Variants in INSYN2B observed in about 807,000 individuals in gnomAD.
INSYN2B encodes the protein inhibitory synaptic factor family member 2B, also known as protein INSYN2B.
Under a neutral mutation model 41.2 loss-of-function variants are expected in INSYN2B, and 16 were observed. That is an observed-to-expected ratio of 0.39 (90% confidence interval 0.26 to 0.59). The LOEUF (loss-of-function observed/expected upper bound fraction) is 0.59, where lower values mean the gene tolerates loss of function less well. INSYN2B is among the 20% of genes least tolerant of loss of function. The pLI, the probability that INSYN2B is intolerant of heterozygous loss-of-function variation, is 0.57. For synonymous variants in INSYN2B, 245 were observed against 244.4 expected, an observed-to-expected ratio of 1.00 and a Z score of -0.02; for missense variants, 608 against 646.4, an observed-to-expected ratio of 0.94 and a Z score of 0.64.
intron 1 of INSYN2B, among the ~76,000 whole-genome samples, chr5:169,962,062 G>C (rs181258806): frequency 6.6e-6 from 1 of 151,846 alleles, no homozygotes; most frequent in African/African-American, 2.4e-5. Flanking sequence ...GAGAAAGCCA[G>C]TGTGTCTGAG....
chr5:169,917,275 A>G (rs573705791), intron 1 of INSYN2B, among the ~76,000 whole-genome samples: 1 of 152,318 alleles, frequency 6.6e-6, no homozygotes, highest in African/African-American at 2.4e-5. Flanking sequence ...CCAGGCCAAT[A>G]TAATTGCTCA....
intron 3 of INSYN2B, among the ~76,000 whole-genome samples, chr5:169,869,838 C>G (rs1202326042): frequency 6.6e-6 from 1 of 152,226 alleles, no homozygotes; most frequent in Non-Finnish European, 1.5e-5. Flanking sequence ...TTCACTGCTT[C>G]CACCTACTCT....
chr5:169,878,287 A>G (rs1772445051), intron 3 of INSYN2B, among the ~76,000 whole-genome samples: 2 of 152,172 alleles, frequency 1.3e-5, no homozygotes, highest in Non-Finnish European at 1.5e-5. Flanking sequence ...TGGTTTTTGC[A>G]AGATTCCCCA....
chr5:169,872,044 C>A (rs958728739), intron 3 of INSYN2B, among the ~76,000 whole-genome samples: 1 of 152,158 alleles, frequency 6.6e-6, no homozygotes, highest in Non-Finnish European at 1.5e-5. Flanking sequence ...TGCCAACAAG[C>A]CACTGCCATC....
At chr5:169,896,680 G>C (rs1020920183) in intron 1 of INSYN2B, among the ~76,000 whole-genome samples, 15 of 152,148 alleles carry the variant, frequency 9.9e-5, no homozygotes, top group Non-Finnish European at 2.2e-4. Flanking sequence ...TTATCAAAGT[G>C]TGAGAACCAG....
chr5:169,948,655 C>T (rs963531475), intron 1 of INSYN2B, among the ~76,000 whole-genome samples: 1 of 150,390 alleles, frequency 6.6e-6, no homozygotes. Context: ...GCTCTGTTCC[C>T]CAGGCTGGAG....
At chr5:169,897,537 T>A (rs2113564601) in intron 1 of INSYN2B, among the ~76,000 whole-genome samples, 1 of 152,292 alleles carries the variant, frequency 6.6e-6, no homozygotes, top group East Asian at 1.9e-4. Context: ...AAAGACATGA[T>A]GGTCCCTTTA....
chr5:169,925,579 TAA>T (rs34833916), intron 1 of INSYN2B, among the ~76,000 whole-genome samples: 3 of 80,258 alleles, frequency 3.7e-5, no homozygotes, highest in African/African-American at 5.1e-5. Context: ...GACTCTGTCT[TAA>T]AAAAAAAAAA....
At chr5:169,913,972 C>T (rs1774742807) in intron 1 of INSYN2B, among the ~76,000 whole-genome samples, 1 of 152,152 alleles carries the variant, frequency 6.6e-6, no homozygotes, top group Non-Finnish European at 1.5e-5. Flanking sequence ...GCTCAGAAAA[C>T]TCACGTGTCC....
chr5:169,889,873 A>G (rs2062119), intron 1 of INSYN2B, among the ~76,000 whole-genome samples: 5,277 of 152,286 alleles, frequency 0.035, 183 homozygotes, highest in African/African-American at 0.089. Context: ...GTGGTTTTTG[A>G]GCAGGAGGCT....
intron 1 of INSYN2B, among the ~76,000 whole-genome samples, chr5:169,907,702 G>A (rs1248705702): frequency 6.6e-6 from 1 of 152,166 alleles, no homozygotes; most frequent in African/African-American, 2.4e-5. Flanking sequence ...TGGCAGAGGG[G>A]GAAATGAACC....
chr5:169,910,980 A>G (rs1244081207), intron 1 of INSYN2B, among the ~76,000 whole-genome samples: 1 of 152,136 alleles, frequency 6.6e-6, no homozygotes, highest in Non-Finnish European at 1.5e-5. Flanking sequence ...AAGTGAGAAT[A>G]ATAAGTGAAA....
chr5:169,902,089 A>G (rs1471397970), intron 1 of INSYN2B, among the ~76,000 whole-genome samples: 1 of 152,202 alleles, frequency 6.6e-6, no homozygotes, highest in Non-Finnish European at 1.5e-5. Flanking sequence ...CAAAAACACA[A>G]ATGAGGCTGC....
chr5:169,949,899 G>A (rs543440267), intron 1 of INSYN2B, among the ~76,000 whole-genome samples: 1 of 152,144 alleles, frequency 6.6e-6, no homozygotes, highest in Non-Finnish European at 1.5e-5. Flanking sequence ...GCTCATATCA[G>A]TTAGTAACTC....
intron 1 of INSYN2B, among the ~76,000 whole-genome samples, chr5:169,974,995 T>C (rs1777666104): frequency 6.6e-6 from 1 of 152,124 alleles, no homozygotes; most frequent in Non-Finnish European, 1.5e-5. Context: ...AACCAGAGAC[T>C]GGGAGCCTCC....
intron 1 of INSYN2B, among the ~76,000 whole-genome samples, chr5:169,942,783 G>A (rs902427416): frequency 3.3e-5 from 5 of 152,186 alleles, no homozygotes; most frequent in Non-Finnish European, 7.3e-5. Context: ...CTGCTCAAAG[G>A]TTAACTGTCA....
intron 1 of INSYN2B, among the ~76,000 whole-genome samples, chr5:169,920,048 C>T (rs533177661): frequency 1.3e-5 from 2 of 152,238 alleles, no homozygotes; most frequent in East Asian, 3.9e-4. Flanking sequence ...GTCATTTAAT[C>T]CACAACACAA....
Position 169,884,229 on chromosome 5 carries a change from C to T in INSYN2B, c.-331G>A, listed in dbSNP as rs899014103. 10 of 197,574 alleles carry T rather than the reference C, an allele frequency of 5.1e-5. No individual in the cohort carries two copies. Among genetic ancestry groups the T allele is most frequent in the South Asian group, 3.7e-4 (2 of 5,466 alleles). The allele number at this position is 197,574 out of a possible 1,614,324, so 12.2% of individuals were successfully genotyped here. ...GGCGGTTTATCAAGGGAGGCTGGCA[C>T]GCGGTTCTGATCTTGGAAGAAGCTG... On this transcript the variant is annotated 5_prime_UTR_variant, in exon 2 of 4. In the 5' UTR this introduces an upstream ATG that the reference lacks. Coordinates refer to ENST00000377365, the MANE Select transcript of INSYN2B (RefSeq NM_001129891.3).
At position 169,882,876 on chromosome 5, in the gene INSYN2B, T is replaced by G. The variant is rs1284872816; in HGVS notation, c.1023A>C (p.Ser341=). Residue 341 remains serine (S), a synonymous_variant, in exon 2 of 4, where the codon TCA becomes TCC. Transcript: ENST00000377365. ...ATTTCGATGCACTGTTAGTTTTGAG[T>G]GACACCAGATTCTGGTGATTGTTAC... The part of the protein sequence containing the change: ...SSSNNHQNLV[S]LKTNSASKSA... The G allele has an allele frequency of 1.4e-5, 22 of 1,551,374 alleles. No individual in the cohort carries two copies. Among genetic ancestry groups the G allele is most frequent in the Non-Finnish European group, 1.7e-5 (20 of 1,146,750 alleles).
Sources: allele counts gnomAD v4.1 joint callset (sites outside exome capture counted in the v4.1 genomes callset), GRCh38; gene constraint gnomAD v4.1.1; transcripts MANE v1.5; gene names NCBI Gene and HGNC (gene_info 2026-07-23, HGNC 2026-07-21).